Variants in VRK2 observed in about 807,000 individuals in gnomAD.
VRK2 encodes the protein serine/threonine-protein kinase VRK2.
VRK2 carries 60 observed loss-of-function variants against 57.6 expected under a neutral mutation model. The ratio of observed to expected loss-of-function variants is 1.04; its 90% confidence interval spans 0.85 to 1.29. The LOEUF (loss-of-function observed/expected upper bound fraction) is 1.29. VRK2 is among the 50% of genes most tolerant of loss of function. The pLI is 0.00. For missense variants in VRK2, 705 were observed against 588.1 expected, an observed-to-expected ratio of 1.20 and a Z score of -2.06; for synonymous variants, 231 against 199.2, an observed-to-expected ratio of 1.16 and a Z score of -1.35.
At chr2:58,102,602 C>G (rs538036206) in intron 7 of VRK2, among the ~76,000 whole-genome samples, 71 of 151,168 alleles carry the variant, frequency 4.7e-4, no homozygotes, top group African/African-American at 1.7e-3. Context: ...CAGCCAGATT[C>G]ATAAAACAAT....
At chr2:57,992,958 C>T (rs1451644174) in intron 1 of VRK2, among the ~76,000 whole-genome samples, 1 of 152,200 alleles carries the variant, frequency 6.6e-6, no homozygotes, top group East Asian at 1.9e-4. Context: ...GACACCAATT[C>T]TCTTGGGTAA....
chr2:58,086,282 T>C (rs1671611645), intron 4 of VRK2, 57 bp from the exon 5 acceptor site: 2 of 1,447,904 alleles, frequency 1.4e-6, no homozygotes, highest in Non-Finnish European at 1.9e-6. Flanking sequence ...TGTAGAAAGG[T>C]GACAAGTATC....
At chr2:58,036,436 A>C (rs1674275642) in intron 3 of VRK2, among the ~76,000 whole-genome samples, 1 of 152,040 alleles carries the variant, frequency 6.6e-6, no homozygotes, top group Admixed American at 6.6e-5. Context: ...TAGAAATAAC[A>C]CAAATGAATT....
chr2:58,072,433 G>A (rs961705415), intron 2 of VRK2, among the ~76,000 whole-genome samples: 2 of 151,828 alleles, frequency 1.3e-5, no homozygotes, highest in African/African-American at 4.8e-5. Context: ...ATCGAGTTGA[G>A]AAAGTTTCTA....
chr2:57,908,823 A>T (rs1669904023), intron 1 of VRK2, among the ~76,000 whole-genome samples: 1 of 152,170 alleles, frequency 6.6e-6, no homozygotes, highest in Non-Finnish European at 1.5e-5. Flanking sequence ...AAACGAGTAG[A>T]CCTCATTAGT....
At chr2:58,056,875 G>C (rs550768621) in intron 2 of VRK2, among the ~76,000 whole-genome samples, 2 of 152,278 alleles carry the variant, frequency 1.3e-5, no homozygotes, top group African/African-American at 4.8e-5. Flanking sequence ...TGGAAGCGAG[G>C]AGGGTCTGCT....
In VRK2 at chr2:58,159,334, G is replaced by GTATT. The variant is rs1684674024; in HGVS notation, c.1183-13_1183-10dup. On this transcript the variant is annotated splice_polypyrimidine_tract_variant and intron_variant, in intron 12 of 12. Transcript: ENST00000340157. ...ACGTCTAACAAACTAAACTATATAT[G>GTATT]TATTTTTTCCATAGGAAAGCACAAG... 6.4e-7 allele frequency: 1 copy of GTATT among 1,574,564 alleles called. No homozygotes were observed. Among genetic ancestry groups the GTATT allele is most frequent in the African/African-American group, 1.4e-5 (1 of 72,958 alleles).
intron 2 of VRK2, among the ~76,000 whole-genome samples, chr2:58,061,056 G>C (rs1292104142): frequency 6.6e-6 from 1 of 151,812 alleles, no homozygotes; most frequent in Non-Finnish European, 1.5e-5. Context: ...GAAAAGATTT[G>C]ATGATATAAA....
At chr2:57,924,209 C>T (rs987398711) in intron 1 of VRK2, among the ~76,000 whole-genome samples, 10 of 151,902 alleles carry the variant, frequency 6.6e-5, no homozygotes, top group African/African-American at 2.4e-4. Flanking sequence ...TATTCTAGGT[C>T]TTTTGTGATT....
At chr2:58,035,628 T>A (rs1674251137) in intron 3 of VRK2, among the ~76,000 whole-genome samples, 1 of 152,044 alleles carries the variant, frequency 6.6e-6, no homozygotes, top group Non-Finnish European at 1.5e-5. Context: ...TATTGACATT[T>A]GAATGTTCAT....
intron 2 of VRK2, among the ~76,000 whole-genome samples, chr2:58,031,949 A>G (rs1048610518): frequency 6.6e-6 from 1 of 152,130 alleles, no homozygotes; most frequent in Non-Finnish European, 1.5e-5. Context: ...CCATCACACA[A>G]TCAGTGTCTT....
intron 10 of VRK2, 129 bp from the exon 11 acceptor site, chr2:58,139,537 G>T: frequency 1.3e-6 from 1 of 752,752 alleles, no homozygotes; most frequent in Non-Finnish European, 2.1e-6. Context: ...TCATTGAATT[G>T]TTCATTTTTA....
intron 5 of VRK2, among the ~76,000 whole-genome samples, chr2:58,087,873 G>T (rs1422456268): frequency 6.6e-6 from 1 of 152,150 alleles, no homozygotes; most frequent in Non-Finnish European, 1.5e-5. Context: ...TGCAGTCCCA[G>T]CTACTTGGGA....
chr2:57,992,070 T>A (rs990610369), intron 1 of VRK2, among the ~76,000 whole-genome samples: 1 of 152,098 alleles, frequency 6.6e-6, no homozygotes, highest in Non-Finnish European at 1.5e-5. Context: ...AGCACAGATA[T>A]ATGAATAAAC....
intron 7 of VRK2, 64 bp downstream of exon 7, chr2:58,089,787 C>G (rs1192284953): frequency 1.7e-6 from 2 of 1,148,258 alleles, no homozygotes; most frequent in African/African-American, 3.1e-5. Flanking sequence ...ATTCAGAAAA[C>G]AAACTTCTAA....
At chr2:58,079,986 T>G (rs951431554) in intron 2 of VRK2, among the ~76,000 whole-genome samples, 1 of 151,984 alleles carries the variant, frequency 6.6e-6, no homozygotes, top group African/African-American at 2.4e-5. Flanking sequence ...TGCTATAAAT[T>G]TTTCTCCAGG....
intron 1 of VRK2, among the ~76,000 whole-genome samples, chr2:58,023,514 C>T (rs1434926350): frequency 2.0e-5 from 3 of 152,040 alleles, no homozygotes; most frequent in African/African-American, 7.2e-5. Flanking sequence ...CAAATCTCTG[C>T]CTTCAAATCT....
upstream of VRK2, among the ~76,000 whole-genome samples, chr2:58,045,446 G>A (rs1316242719): frequency 6.6e-6 from 1 of 151,852 alleles, no homozygotes; most frequent in African/African-American, 2.4e-5. Flanking sequence ...GGAGGAAAGA[G>A]TACCCAATAT....
intron 11 of VRK2, among the ~76,000 whole-genome samples, chr2:58,145,429 A>G (rs1003150553): frequency 6.6e-6 from 1 of 152,008 alleles, no homozygotes; most frequent in African/African-American, 2.4e-5. Context: ...GCTCACTTCA[A>G]TGATAGAAAA....
Sources: gnomAD v4.1 joint callset for allele counts (sites outside exome capture counted in the v4.1 genomes callset) on GRCh38, gnomAD v4.1.1 for gene constraint, MANE v1.5 for transcripts, NCBI Gene and HGNC (gene_info 2026-07-23, HGNC 2026-07-21) for gene names.